Variants in DENND2B observed in about 807,000 individuals in gnomAD.
DENND2B encodes DENN domain-containing protein 2B.
In DENND2B, 32 loss-of-function variants were observed where a neutral mutation model predicts 116.0. The observed-to-expected ratio is 0.28, with a 90% CI of 0.21 to 0.37. DENND2B has a LOEUF of 0.37. DENND2B is among the 10% of genes least tolerant of loss of function. The pLI is 1.00. For synonymous variants in DENND2B, 588 were observed against 583.9 expected, an observed-to-expected ratio of 1.01 and a Z score of -0.10; for missense variants, 1,276 against 1,477.7, an observed-to-expected ratio of 0.86 and a Z score of 2.24.
intron 1 of DENND2B, chr11:8,768,756 T>C (rs1195099323): frequency 6.6e-6 from 1 of 152,548 alleles, no homozygotes; most frequent in Non-Finnish European, 1.5e-5. Context: ...CTAGTCAGCA[T>C]GCTCACCAAG....
At chr11:8,795,297 G>A (rs1362518927) in intron 1 of DENND2B, among the ~76,000 whole-genome samples, 1 of 152,122 alleles carries the variant, frequency 6.6e-6, no homozygotes, top group Non-Finnish European at 1.5e-5. Flanking sequence ...TGAAATTCTG[G>A]GTCAGTAAAA....
At chr11:8,837,595 C>T (rs1458270499) in intron 4 of DENND2B, among the ~76,000 whole-genome samples, 1 of 152,212 alleles carries the variant, frequency 6.6e-6, no homozygotes, top group African/African-American at 2.4e-5. Context: ...ATCTGCCCAC[C>T]TCAGCCTCCG....
chr11:8,889,085 C>T (rs996962907), intron 1 of DENND2B, among the ~76,000 whole-genome samples: 2 of 151,788 alleles, frequency 1.3e-5, no homozygotes, highest in African/African-American at 2.4e-5. Context: ...GGGTATATAC[C>T]CAAAAAATTG....
chr11:8,756,714 C>T (rs371989698), intron 1 of DENND2B, among the ~76,000 whole-genome samples: 158 of 152,314 alleles, frequency 1.0e-3, no homozygotes, highest in African/African-American at 3.5e-3. Flanking sequence ...TGGGCTACAC[C>T]ATTTCTCCCC....
At chr11:8,806,605 A>AACACAAACACACACACACACAC (rs2060863799) in intron 1 of DENND2B, among the ~76,000 whole-genome samples, 1 of 118,494 alleles carries the variant, frequency 8.4e-6, no homozygotes, top group Non-Finnish European at 1.7e-5. Context: ...CTCCCTTCAA[A>AACACAAACACACACACACACAC]ACACACACAC....
chr11:8,705,729 G>A (rs1302887231), intron 13 of DENND2B, among the ~76,000 whole-genome samples: 1 of 152,208 alleles, frequency 6.6e-6, no homozygotes, highest in Non-Finnish European at 1.5e-5. Context: ...AAAACTGGGA[G>A]TCAGCCTTAC....
chr11:8,845,511 G>C (rs1225868947), intron 3 of DENND2B, among the ~76,000 whole-genome samples: 1 of 152,136 alleles, frequency 6.6e-6, no homozygotes, highest in Non-Finnish European at 1.5e-5. Context: ...CTTAGAAAAG[G>C]ATTTGCTACT....
intron 4 of DENND2B, among the ~76,000 whole-genome samples, chr11:8,835,037 G>C (rs1266373041): frequency 6.6e-6 from 1 of 152,110 alleles, no homozygotes; most frequent in Non-Finnish European, 1.5e-5. Context: ...ATTGAGCCCA[G>C]GAATTCAAGA....
Position 8,880,358 on chromosome 11 carries a change from T to G in DENND2B, c.-156+652A>C, listed in dbSNP as rs989487826. Among the ~76,000 whole-genome samples, 9 of 151,174 alleles carry G rather than the reference T, an allele frequency of 6.0e-5. No homozygotes were observed. The South Asian group carries it at 1.0e-3, about 18-fold the overall frequency. On this transcript the variant is annotated intron_variant, in intron 2 of 22. Transcript: ENST00000534127. ...TGTCACTTTGAACTGTGTGTGTGTG[T>G]GTGTGTGTGTGTGTGTGTGTGTGTG...
At chr11:8,837,762 GAACCAACAATC>G in intron 4 of DENND2B, among the ~76,000 whole-genome samples, 1 of 152,178 alleles carries the variant, frequency 6.6e-6, no homozygotes. Context: ...GCCATGAACA[GAACCAACAATC>G]AATAAATGTA....
intron 4 of DENND2B, among the ~76,000 whole-genome samples, chr11:8,836,191 C>CAA (rs56816794): frequency 0.046 from 6,140 of 132,994 alleles, 299 homozygotes; most frequent in African/African-American, 0.12. Flanking sequence ...ACTAAAAATA[C>CAA]AAAAAAAAAA....
intron 1 of DENND2B, among the ~76,000 whole-genome samples, chr11:8,905,763 A>T (rs1196143074): frequency 1.3e-5 from 2 of 152,232 alleles, no homozygotes; most frequent in East Asian, 1.9e-4. Flanking sequence ...AACCAGAAAC[A>T]TTTCAGATGA....
chr11:8,825,891 C>T (rs2061960194), intron 4 of DENND2B, among the ~76,000 whole-genome samples: 1 of 152,140 alleles, frequency 6.6e-6, no homozygotes, highest in African/African-American at 2.4e-5. Context: ...AAATGAGATT[C>T]ATGTCCTACT....
upstream of DENND2B, among the ~76,000 whole-genome samples, chr11:8,813,126 G>GT (rs1487209935): frequency 6.6e-6 from 1 of 152,060 alleles, no homozygotes; most frequent in Non-Finnish European, 1.5e-5. Context: ...AATCTAGTGG[G>GT]TTTTTTTCAT....
chr11:8,716,806 C>A (rs1011034236), intron 5 of DENND2B, among the ~76,000 whole-genome samples: 3 of 152,192 alleles, frequency 2.0e-5, no homozygotes, highest in African/African-American at 7.2e-5. Flanking sequence ...CGCCATCATG[C>A]CCAGCTAATG....
At chr11:8,844,075 T>A (rs1409006760) in intron 3 of DENND2B, among the ~76,000 whole-genome samples, 1 of 152,240 alleles carries the variant, frequency 6.6e-6, no homozygotes, top group Non-Finnish European at 1.5e-5. Context: ...AAAGACGTAC[T>A]TTCTGCCATA....
rs187172115 is a variant in DENND2B at position 8,844,081 on chromosome 11, C to T, written c.-155-4731G>A. Among the ~76,000 whole-genome samples, 13 of 152,320 alleles carry T rather than the reference C, an allele frequency of 8.5e-5. No homozygotes were observed. The East Asian group carries it at 2.5e-3, about 29-fold the overall frequency. On this transcript the variant is annotated intron_variant, in intron 3 of 6. Transcript: ENST00000524757. Reference sequence around the variant, plus strand: ...ACCAGTAGTAAAGACGTACTTTCTGCCATATTCTAAATATTGGCATTTTAT... The same window carrying T: ...ACCAGTAGTAAAGACGTACTTTCTGTCATATTCTAAATATTGGCATTTTAT...
chr11:8,697,529 G>A lies in DENND2B; in HGVS notation c.3048C>T (p.Asp1016=), dbSNP rs142292247. 641 of 1,613,452 alleles carry A rather than the reference G, an allele frequency of 4.0e-4. No homozygotes were observed. Among genetic ancestry groups the A allele is most frequent in the Non-Finnish European group, 5.3e-4 (620 of 1,179,504 alleles). The change falls in exon 17 of 20, where the codon GAC becomes GAT. Residue 1016 remains aspartate, a synonymous_variant. Coordinates refer to ENST00000313726, the MANE Select transcript of DENND2B (RefSeq NM_213618.2). ...GTGCCCGGGCACTATTCTCACCATC[G>A]TCGGAGTCGCTGTCAGAGTCCTGGG... ...LISQDSDSDS[D]DECNTLNGLV... is the part of the protein sequence containing the mutation.
chr11:8,739,384 G>T (rs1170310356), intron 2 of DENND2B, among the ~76,000 whole-genome samples: 1 of 152,214 alleles, frequency 6.6e-6, no homozygotes, highest in African/African-American at 2.4e-5. Context: ...TGTGCCTCAG[G>T]TTCTTTAAAC....
Sources: allele counts gnomAD v4.1 joint callset (sites outside exome capture counted in the v4.1 genomes callset), GRCh38; gene constraint gnomAD v4.1.1; transcripts MANE v1.5; gene names NCBI Gene and HGNC (gene_info 2026-07-23, HGNC 2026-07-21).